The following CMYA5 variants were observed in gnomAD, a reference collection of about 807,000 sequenced individuals.
The protein encoded by CMYA5 is cardiomyopathy associated 5.
A neutral mutation model predicts 318.9 loss-of-function variants in CMYA5; 246 were observed. The observed-to-expected ratio is 0.77, with a 90% confidence interval of 0.70 to 0.86. CMYA5 has a LOEUF of 0.86. Ranked by LOEUF, CMYA5 falls within the 40% of genes least tolerant of loss-of-function variation. CMYA5 has a pLI of 0.00. For missense variants in CMYA5, 4,589 were observed against 4,678.2 expected, an observed-to-expected ratio of 0.98 and a Z score of 0.56; for synonymous variants, 1,641 against 1,729.5, an observed-to-expected ratio of 0.95 and a Z score of 1.27.
At chr5:79,744,601 C>G (rs143171135) in intron 3 of CMYA5, among the ~76,000 whole-genome samples, 111 of 152,204 alleles carry the variant, frequency 7.3e-4, no homozygotes, top group African/African-American at 2.5e-3. Flanking sequence ...AAGAGGTCTG[C>G]TTAATTCATG....
Position 79,758,900 on chromosome 5 carries a change from A to G in CMYA5, c.11258A>G (p.Asn3753Ser). 4 of 1,579,478 alleles carry G rather than the reference A, an allele frequency of 2.5e-6. No homozygotes were observed. The South Asian group carries it at 4.8e-5, about 19-fold the overall frequency. The change falls in exon 7 of 13, where the codon AAT (asparagine) becomes AGT (serine). Residue 3753 changes from asparagine to serine, a missense_variant and splice_region_variant. Physicochemically the swap from Asn to Ser is conservative, Grantham distance 46. Around this residue, in one of 3 missense-constraint regions of CMYA5, gnomAD observed 2,431 missense variants for 2,495.1 expected, o/e 0.97. Transcript: ENST00000446378. ...MEEPQDDQEVNELVEEYRLTV... is the reference protein window; with the variant it reads ...MEEPQDDQEVSELVEEYRLTV... ...GAGCCACAAGATGATCAAGAAGTAA[A>G]TGGTAGGATTGCTAACACAAATACA...
At position 79,745,405 on chromosome 5, in the gene CMYA5, G is replaced by A; in HGVS notation, c.10918G>A (p.Glu3640Lys). The change falls in exon 4 of 13, where the codon GAG (glutamate) becomes AAG (lysine). Residue 3640 changes from glutamate to lysine, a missense_variant. By Grantham distance (56) the Glu-to-Lys change is moderately conservative (BLOSUM62 1). This residue lies in a region of CMYA5 where 2,431 missense variants were observed against 2,495.1 expected (regional missense o/e 0.97). Coordinates refer to ENST00000446378, the MANE Select transcript of CMYA5 (RefSeq NM_153610.5). Reference sequence around the variant, plus strand: ...CATGGACACTGCCAAAGACACCCTGGAGACCATCGTGAGAGAAGCAGAGGA... The same window carrying A: ...CATGGACACTGCCAAAGACACCCTGAAGACCATCGTGAGAGAAGCAGAGGA... Reference protein sequence around the residue: ...QSMDTAKDTLETIVREAEELD... With the variant: ...QSMDTAKDTLKTIVREAEELD... 4 of 1,613,964 alleles carry A rather than the reference G, an allele frequency of 2.5e-6. No individual in the cohort carries two copies. Among genetic ancestry groups the A allele is most frequent in the Non-Finnish European group, 3.4e-6 (4 of 1,179,866 alleles).
At chr5:79,778,800 C>G (rs377248813) in intron 9 of CMYA5, among the ~76,000 whole-genome samples, 67 of 85,002 alleles carry the variant, frequency 7.9e-4, no homozygotes, top group African/African-American at 4.2e-3. Flanking sequence ...CGCCTGCCCC[C>G]CTCTCTCTTT....
At chr5:79,710,038 CT>C (rs1213217504) in intron 1 of CMYA5, among the ~76,000 whole-genome samples, 3 of 149,862 alleles carry the variant, frequency 2.0e-5, no homozygotes, top group African/African-American at 7.3e-5. Flanking sequence ...TTACTCCTTC[CT>C]TTTCCAACTA....
Position 79,738,801 on chromosome 5 carries a change from C to G in CMYA5, c.10036C>G (p.His3346Asp). 1 of 1,613,842 alleles carries G rather than the reference C, an allele frequency of 6.2e-7. No individual in the cohort carries two copies. Among genetic ancestry groups the G allele is most frequent in the South Asian group, 1.1e-5 (1 of 91,074 alleles). ...TTATGCGGTTCCATTTGAAGACACC[C>G]ATCATGTTCTGGAGCGTGCAGATGA... ...ISYAVPFEDT[H>D]HVLERADEAG... Residue 3346 changes from histidine to aspartate, a missense_variant, in exon 2 of 13, where the codon CAT (histidine) becomes GAT (aspartate). His to Asp is a moderately conservative substitution (Grantham distance 81, BLOSUM62 -1). Around this residue, in one of 3 missense-constraint regions of CMYA5, gnomAD observed 2,431 missense variants for 2,495.1 expected, o/e 0.97. Transcript: ENST00000446378.
chr5:79,708,376 C>A (rs1827314772), intron 1 of CMYA5, among the ~76,000 whole-genome samples: 1 of 152,182 alleles, frequency 6.6e-6, no homozygotes, highest in African/African-American at 2.4e-5. Context: ...AATCTCAGCA[C>A]TTTGGGAGGC....
intron 1 of CMYA5, among the ~76,000 whole-genome samples, chr5:79,710,274 G>A (rs1363004778): frequency 1.3e-5 from 2 of 152,076 alleles, no homozygotes; most frequent in East Asian, 3.8e-4. Flanking sequence ...TTGACATGTA[G>A]TAGGTTATTA....
intron 3 of CMYA5, among the ~76,000 whole-genome samples, chr5:79,744,747 C>T (rs1254776613): frequency 1.3e-5 from 2 of 152,200 alleles, no homozygotes; most frequent in Admixed American, 6.5e-5. Flanking sequence ...TGTGTCTGGA[C>T]AGGCAACGAA....
At chr5:79,702,127 T>C (rs1827184985) in intron 1 of CMYA5, among the ~76,000 whole-genome samples, 1 of 151,392 alleles carries the variant, frequency 6.6e-6, no homozygotes, top group Non-Finnish European at 1.5e-5. Context: ...AAAGAAAATG[T>C]GGGCTGGGTG....
At chr5:79,789,156 C>G in intron 10 of CMYA5, 52 bp downstream of exon 10, 1 of 1,603,826 alleles carries the variant, frequency 6.2e-7, no homozygotes, top group Non-Finnish European at 8.5e-7. Flanking sequence ...TTCTTCCCTT[C>G]CACCCCTCAG....
chr5:79,734,252 T>C lies in CMYA5; in HGVS notation c.5487T>C (p.His1829=), dbSNP rs372718996. Residue 1829 remains histidine, a synonymous_variant, in exon 2 of 13, where the codon CAT becomes CAC. Transcript: ENST00000446378. The part of the protein sequence containing the change: ...VEQKKTEKAL[H]SDQTVKLPDV... ...AAAAAAAGACAGAAAAAGCACTTCA[T>C]TCAGATCAAACTGTTAAATTACCTG... 5.6e-6 allele frequency: 9 copies of C among 1,613,578 alleles called. No homozygotes were observed. The African/African-American group carries it at 1.2e-4, about 22-fold the overall frequency.
At chr5:79,713,804 C>T (rs1384612073) in intron 1 of CMYA5, among the ~76,000 whole-genome samples, 4 of 152,046 alleles carry the variant, frequency 2.6e-5, no homozygotes, top group East Asian at 1.9e-4. Context: ...TTTATGCATG[C>T]GGCCCACATG....
rs1268995706 is a variant in CMYA5, at chr5:79,797,260, T to C, written c.11964-2110T>C. 2.0e-5 allele frequency among the ~76,000 whole-genome samples: 3 copies of C among 152,300 alleles called. No homozygotes were observed. The East Asian group carries it at 5.8e-4, about 29-fold the overall frequency. ...GAGACCCTCTAGAACTCCTTCACCC[T>C]TGTCTCTCAGGACTAGGGCCTCTTG... On this transcript the variant is annotated intron_variant, in intron 12 of 12. Coordinates refer to ENST00000446378, the MANE Select transcript of CMYA5 (RefSeq NM_153610.5).
rs758800626 is a variant in CMYA5 at position 79,730,544 on chromosome 5, TTTTGTATCAGAG to T, written c.1781_1792del (p.Phe594_Glu597del). 1.2e-6 allele frequency: 2 copies of T among 1,614,010 alleles called. No individual in the cohort carries two copies. Among genetic ancestry groups the T allele is most frequent in the South Asian group, 2.2e-5 (2 of 91,080 alleles). ...TTGCATCTGTTTCTACTGGTTCTGC[TTTTGTATCAGAG>T]TATTCAGTACCACAGGATTTGAACC... On this transcript the variant is annotated inframe_deletion, in exon 2 of 13. Coordinates refer to ENST00000446378, the MANE Select transcript of CMYA5 (RefSeq NM_153610.5).
chr5:79,729,001 A>G lies in CMYA5; in HGVS notation c.236A>G (p.Glu79Gly). ...TTTTCCATGGTGACAGTCCAAAGGG[A>G]AGATAGTGGGATAACCTGGGAAACC... ...PSFSMVTVQR[E>G]DSGITWETNS... The change falls in exon 2 of 13, where the codon GAA (glutamate) becomes GGA (glycine). Residue 79 changes from glutamate (E) to glycine (G), a missense_variant. Around this residue, in one of 3 missense-constraint regions of CMYA5, gnomAD observed 2,132 missense variants for 2,131.3 expected, o/e 1.00. Transcript: ENST00000446378. 6.2e-7 allele frequency: 1 copy of G among 1,613,942 alleles called. No homozygotes were observed. The highest frequency in any genetic ancestry group is 8.5e-7 in the Non-Finnish European group (1 of 1,179,836).
chr5:79,787,835 C>T (rs774756257), intron 9 of CMYA5, among the ~76,000 whole-genome samples: 26 of 152,246 alleles, frequency 1.7e-4, no homozygotes, highest in Non-Finnish European at 3.1e-4. Context: ...TGTTTGTTTT[C>T]TGGGCCAAGA....
intron 2 of CMYA5, among the ~76,000 whole-genome samples, chr5:79,741,153 C>A (rs1828200509): frequency 6.6e-6 from 1 of 152,170 alleles, no homozygotes; most frequent in Non-Finnish European, 1.5e-5. Flanking sequence ...GCTGGGATTA[C>A]AGGTGTGAGT....
chr5:79,735,956 T>TA lies in CMYA5; in HGVS notation c.7196dup (p.Asn2399LysfsTer25). On this transcript the variant is annotated frameshift_variant, in exon 2 of 13. Coordinates refer to ENST00000446378, the MANE Select transcript of CMYA5 (RefSeq NM_153610.5). LOFTEE classifies it high-confidence loss of function. ...AATCAGCTTCCTCCAACTTTGCAAGTAAAAATATCACAAAGGAATCAGAGA... is the reference window on the plus strand; with the variant it reads ...AATCAGCTTCCTCCAACTTTGCAAGTAAAAAATATCACAAAGGAATCAGAGA... The TA allele has an allele frequency of 6.2e-7, 1 of 1,612,126 alleles. No individual in the cohort carries two copies. Among genetic ancestry groups the TA allele is most frequent in the Admixed American group, 1.7e-5 (1 of 59,684 alleles).
Position 79,737,638 on chromosome 5 carries a change from C to T in CMYA5, c.8873C>T (p.Ala2958Val), listed in dbSNP as rs769059194. ...SEGCEILNIH[A>V]PAFISSIDQE... The stretch of plus-strand genomic sequence containing the variant: ...GGCTGTGAGATATTGAATATTCATG[C>T]TCCGGCCTTTATTTCTTCAATCGAT... Residue 2958 changes from alanine to valine, a missense_variant, in exon 2 of 13, where the codon GCT becomes GTT. This residue lies in a region of CMYA5 where 2,431 missense variants were observed against 2,495.1 expected (regional missense o/e 0.97). Transcript: ENST00000446378. 3 of 1,613,512 alleles carry T rather than the reference C, an allele frequency of 1.9e-6. No homozygotes were observed. Among genetic ancestry groups the T allele is most frequent in the South Asian group, 1.1e-5 (1 of 91,022 alleles).
Sources: gnomAD v4.1 joint callset for allele counts (sites outside exome capture counted in the v4.1 genomes callset) on GRCh38, gnomAD v4.1.1 for gene constraint, gnomAD v4.1.1 regional missense constraint, MANE v1.5 for transcripts, NCBI Gene and HGNC (gene_info 2026-07-23, HGNC 2026-07-21) for gene names.